The following XRRA1 variants were observed in gnomAD, a reference collection of about 807,000 sequenced individuals.
XRRA1 encodes X-ray radiation resistance-associated protein 1.
A neutral mutation model predicts 80.2 loss-of-function variants in XRRA1; 69 were observed. The observed-to-expected ratio is 0.86, with a 90% CI of 0.71 to 1.05. The LOEUF is 1.05. Among genes scored for constraint, XRRA1 ranks in the 50% least tolerant of loss-of-function variants. The pLI is 0.00. For missense variants in XRRA1, 967 were observed against 976.4 expected (o/e 0.99, Z 0.13); for synonymous variants, 348 against 389.9 (o/e 0.89, Z 1.27).
At chr11:74,886,256 G>T (rs1273465862) in intron 10 of XRRA1, among the ~76,000 whole-genome samples, 1 of 152,150 alleles carries the variant, frequency 6.6e-6, no homozygotes, top group Non-Finnish European at 1.5e-5. Flanking sequence ...CACATAGGAA[G>T]AGAGGAAGTC....
At chr11:74,916,824 G>A (rs1938868090) in intron 8 of XRRA1, among the ~76,000 whole-genome samples, 1 of 151,982 alleles carries the variant, frequency 6.6e-6, no homozygotes, top group Admixed American at 6.6e-5. Flanking sequence ...TTTGTTTCGT[G>A]TTTGATTATT....
chr11:74,921,423 A>C, intron 7 of XRRA1, 76 bp from the exon 8 acceptor site: 1 of 1,575,704 alleles, frequency 6.3e-7, no homozygotes, highest in Non-Finnish European at 8.7e-7. Context: ...TGTGGGAGCT[A>C]CTTTCTAGAG....
chr11:74,887,709 G>A (rs551041604), intron 10 of XRRA1, among the ~76,000 whole-genome samples: 262 of 152,198 alleles, frequency 1.7e-3, no homozygotes, highest in South Asian at 5.8e-3. Context: ...CTGGAAAATC[G>A]GGTCACTCCC....
At chr11:74,942,669 C>T (rs1174486710) in intron 2 of XRRA1, among the ~76,000 whole-genome samples, 1 of 152,198 alleles carries the variant, frequency 6.6e-6, no homozygotes, top group African/African-American at 2.4e-5. Context: ...CATTTACTAG[C>T]TGTGTGGCCT....
At chr11:74,881,702 G>C (rs767568577) in intron 10 of XRRA1, among the ~76,000 whole-genome samples, 34 of 152,002 alleles carry the variant, frequency 2.2e-4, no homozygotes, top group Non-Finnish European at 4.4e-4. Context: ...AGGCAGGCCT[G>C]GTGGTGACAA....
At chr11:74,914,826 A>G (rs879386580) in intron 8 of XRRA1, among the ~76,000 whole-genome samples, 12 of 152,108 alleles carry the variant, frequency 7.9e-5, no homozygotes, top group Non-Finnish European at 1.8e-4. Context: ...TCATGAACTG[A>G]ACATGCAACA....
chr11:74,893,903 C>G (rs1169988645), intron 10 of XRRA1, among the ~76,000 whole-genome samples: 1 of 152,144 alleles, frequency 6.6e-6, no homozygotes, highest in Non-Finnish European at 1.5e-5. Context: ...TGGGTATATA[C>G]CCAAAGGGAT....
intron 10 of XRRA1, among the ~76,000 whole-genome samples, chr11:74,898,626 A>G (rs1591204668): frequency 1.3e-5 from 2 of 152,306 alleles, no homozygotes; most frequent in Middle Eastern, 6.8e-3. Context: ...ATCAGACAAA[A>G]TAGATTTCAA....
chr11:74,843,809 G>C (rs2037146190), intron 18 of XRRA1, 45 bp downstream of exon 18: 1 of 1,529,036 alleles, frequency 6.5e-7, no homozygotes. Flanking sequence ...TAGCCAGCAG[G>C]CGTGAACTGG....
intron 10 of XRRA1, among the ~76,000 whole-genome samples, chr11:74,901,053 C>G (rs1312151930): frequency 6.6e-6 from 1 of 152,108 alleles, no homozygotes; most frequent in Non-Finnish European, 1.5e-5. Flanking sequence ...TTGGAAAAAC[C>G]TAAAGACTCC....
chr11:74,851,929 G>A (rs2039965582), intron 13 of XRRA1, 60 bp downstream of exon 13: 10 of 1,421,212 alleles, frequency 7.0e-6, no homozygotes, highest in Non-Finnish European at 9.0e-6. Context: ...GTGGGGATGA[G>A]GGTGCCACAC....
chr11:74,940,715 G>A (rs1946157014), intron 3 of XRRA1, 70 bp downstream of exon 3: 1 of 1,261,248 alleles, frequency 7.9e-7, no homozygotes, highest in African/African-American at 1.5e-5. Flanking sequence ...AGAAGAACAA[G>A]TAGATGTGAG....
intron 10 of XRRA1, among the ~76,000 whole-genome samples, chr11:74,865,206 T>C (rs554581250): frequency 5.9e-5 from 8 of 135,638 alleles, no homozygotes; most frequent in African/African-American, 1.1e-4. Flanking sequence ...CTCATCTGCA[T>C]AGGGACTTGC....
At chr11:74,908,512 G>C (rs2055131151) in intron 8 of XRRA1, among the ~76,000 whole-genome samples, 1 of 152,210 alleles carries the variant, frequency 6.6e-6, no homozygotes, top group Non-Finnish European at 1.5e-5. Context: ...TATACCTGAA[G>C]TCAGGGATAT....
intron 15 of XRRA1, among the ~76,000 whole-genome samples, chr11:74,847,642 C>T (rs2038648704): frequency 6.6e-6 from 1 of 152,166 alleles, no homozygotes; most frequent in Non-Finnish European, 1.5e-5. Context: ...TTCCTCCAGA[C>T]TCCCAGCCTC....
intron 10 of XRRA1, among the ~76,000 whole-genome samples, chr11:74,898,718 T>C (rs1192638986): frequency 2.0e-5 from 3 of 152,112 alleles, no homozygotes; most frequent in Non-Finnish European, 4.4e-5. Context: ...CAAGAAGATA[T>C]ACTGATTACA....
intron 10 of XRRA1, chr11:74,877,117 ATAT>A (rs1490386933): frequency 6.6e-6 from 1 of 152,230 alleles, no homozygotes; most frequent in East Asian, 1.9e-4. Context: ...AATTGCTGTA[ATAT>A]TCTGCCTAAT....
intron 2 of XRRA1, 70 bp from the exon 3 acceptor site, chr11:74,940,952 T>C: frequency 8.3e-7 from 1 of 1,200,810 alleles, no homozygotes; most frequent in South Asian, 1.3e-5. Flanking sequence ...CTTACTCCAG[T>C]GCAGCTCATG....
rs750458924 is a variant in XRRA1, at chr11:74,843,893, G to C, written c.2110C>G (p.Arg704Gly). ...GTAATGTTCCGGGGATCCCGCAAGC[G>C]AATGAAGATGTCATCCAGAAGTTGG... ...RAQLLDDIFI[R>G]LRDPRNITEA... is the part of the protein sequence containing the mutation. The change falls in exon 18 of 19, where the codon CGC (arginine) becomes GGC (glycine). Residue 704 changes from arginine to glycine, a missense_variant. Physicochemically the swap from Arg to Gly is moderately radical, Grantham distance 125 (BLOSUM62 -2). Coordinates refer to ENST00000684022, the MANE Select transcript of XRRA1 (RefSeq NM_001378157.1). 6.2e-7 allele frequency: 1 copy of C among 1,613,120 alleles called. No individual in the cohort carries two copies. The highest frequency in any genetic ancestry group is 1.7e-5 in the Admixed American group (1 of 59,890).
Sources: allele counts gnomAD v4.1 joint callset (sites outside exome capture counted in the v4.1 genomes callset), GRCh38; gene constraint gnomAD v4.1.1; transcripts MANE v1.5; gene names NCBI Gene and HGNC (gene_info 2026-07-23, HGNC 2026-07-21).